The following NME8 variants were observed in gnomAD, a reference collection of about 807,000 sequenced individuals.
NME8 encodes the protein protein NME8.
NME8 carries 72 observed loss-of-function variants against 82.3 expected under a neutral mutation model. The ratio of observed to expected loss-of-function variants is 0.87; its 90% CI spans 0.72 to 1.06. NME8 has a LOEUF of 1.06. Ranked by LOEUF, NME8 falls within the 50% of genes least tolerant of loss-of-function variation. NME8 has a pLI of 0.00. For missense variants in NME8, 712 were observed against 685.4 expected (o/e 1.04, Z -0.43); for synonymous variants, 267 against 228.5 (o/e 1.17, Z -1.52).
intron 14 of NME8, among the ~76,000 whole-genome samples, chr7:37,886,862 CA>C (rs3837059): frequency 1.3e-3 from 178 of 142,242 alleles, no homozygotes; most frequent in African/African-American, 4.4e-3. Context: ...GGTGATAAGG[CA>C]AAAAAAAAAC....
chr7:37,874,322 C>A (rs964152371), intron 11 of NME8, among the ~76,000 whole-genome samples: 1 of 152,002 alleles, frequency 6.6e-6, no homozygotes. Context: ...CTCAACAAAA[C>A]CTAGAGGTTT....
chr7:37,899,525 G>C (rs1324276370), intron 17 of NME8, among the ~76,000 whole-genome samples: 1 of 151,978 alleles, frequency 6.6e-6, no homozygotes, highest in Non-Finnish European at 1.5e-5. Context: ...AGAGCCTGTC[G>C]GTGGGGGCTG....
intron 16 of NME8, among the ~76,000 whole-genome samples, 189 bp downstream of exon 16, chr7:37,894,799 CA>C (rs2131975638): frequency 6.6e-6 from 1 of 152,034 alleles, no homozygotes; most frequent in African/African-American, 2.4e-5. Context: ...TTCTCTCTCT[CA>C]TTCTGTCTCT....
chr7:37,887,462 C>T (rs1375663224), intron 14 of NME8, among the ~76,000 whole-genome samples: 1 of 152,212 alleles, frequency 6.6e-6, no homozygotes. Context: ...TCAATACACA[C>T]ACCATATATT....
At chr7:37,888,780 C>A (rs1334084415) in intron 15 of NME8, among the ~76,000 whole-genome samples, 1 of 151,918 alleles carries the variant, frequency 6.6e-6, no homozygotes, top group African/African-American at 2.4e-5. Context: ...TGAATTATAT[C>A]CTTCCATTCC....
chr7:37,851,492 G>A (rs1470718), intron 5 of NME8, among the ~76,000 whole-genome samples: 41,550 of 151,618 alleles, frequency 0.27, 5,872 homozygotes, highest in African/African-American at 0.36. Context: ...TTAACATTTA[G>A]CATATGAATT....
At chr7:37,864,636 G>T (rs1209109198) in intron 9 of NME8, among the ~76,000 whole-genome samples, 1 of 152,044 alleles carries the variant, frequency 6.6e-6, no homozygotes, top group African/African-American at 2.4e-5. Flanking sequence ...AGCATCCTAT[G>T]TAAATTTTAA....
intron 15 of NME8, among the ~76,000 whole-genome samples, chr7:37,892,840 G>A (rs1426215842): frequency 6.6e-6 from 1 of 151,774 alleles, no homozygotes; most frequent in Non-Finnish European, 1.5e-5. Context: ...TCACATTAGG[G>A]TGTCGTGTTA....
chr7:37,849,899 A>G (rs1043300169), intron 2 of NME8, among the ~76,000 whole-genome samples: 3 of 151,420 alleles, frequency 2.0e-5, no homozygotes, highest in African/African-American at 7.3e-5. Context: ...AAGAACAATG[A>G]ATAAGACCTA....
At chr7:37,891,343 A>ACTGC (rs1238484840) in intron 15 of NME8, among the ~76,000 whole-genome samples, 1 of 151,884 alleles carries the variant, frequency 6.6e-6, no homozygotes, top group African/African-American at 2.4e-5. Context: ...AAAAAAAATC[A>ACTGC]CTGCCGAGAC....
At position 37,876,229 on chromosome 7, in the gene NME8, T is replaced by TATAGATAG. The variant is rs56873287; in HGVS notation, c.819-579_819-572dup. 8.5e-3 allele frequency among the ~76,000 whole-genome samples: 1,244 copies of TATAGATAG among 146,178 alleles called. 17 individuals are homozygous for TATAGATAG. The highest frequency in any genetic ancestry group is 0.028 in the African/African-American group (1,087 of 39,432). On this transcript the variant is annotated intron_variant, in intron 11 of 17. Coordinates refer to ENST00000199447, the MANE Select transcript of NME8 (RefSeq NM_016616.5). ...CTCAAAAAAACACTATATATATATA[T>TATAGATAG]ATAGATAGATAGATAGATAGATAGA...
In NME8 at chr7:37,850,682, T is replaced by C. The variant is rs760905416; in HGVS notation, c.145T>C (p.Phe49Leu). 1 of 1,613,898 alleles carries C rather than the reference T, an allele frequency of 6.2e-7. No homozygotes were observed. Residue 49 changes from phenylalanine to leucine, a missense_variant, in exon 5 of 18, where the codon TTC becomes CTC. Transcript: ENST00000199447. ...CGPCRAMQPL[F>L]RKLKNELNED... The stretch of plus-strand genomic sequence containing the variant: ...ACCTTGCAGAGCAATGCAACCTTTA[T>C]TCAGAAAATTGAAAAATGAACTGAA...
At chr7:37,885,459 T>G (rs941246226) in intron 14 of NME8, among the ~76,000 whole-genome samples, 4 of 152,100 alleles carry the variant, frequency 2.6e-5, no homozygotes, top group African/African-American at 9.7e-5. Flanking sequence ...GAAACCACTG[T>G]GAGGTGCTAG....
intron 13 of NME8, 42 bp downstream of exon 13, chr7:37,884,489 A>C (rs749872507): frequency 1.3e-6 from 2 of 1,563,028 alleles, no homozygotes; most frequent in African/African-American, 2.7e-5. Flanking sequence ...TTTATTTTTG[A>C]ATCATGTAAA....
rs188453028 is a variant in NME8, at chr7:37,863,181, T to C, written c.388-215T>C. The stretch of plus-strand genomic sequence containing the variant: ...TGCTACCCTTTTCATACTGCACATA[T>C]GCATTATTCCTGCCCCTTCCATTTT... On this transcript the variant is annotated intron_variant, in intron 7 of 17. Coordinates refer to ENST00000199447, the MANE Select transcript of NME8 (RefSeq NM_016616.5). Among the ~76,000 whole-genome samples the C allele has an allele frequency of 3.3e-3, 509 of 152,260 alleles. 9 individuals are homozygous for C. The highest frequency in any genetic ancestry group is 0.027 in the Admixed American group (410 of 15,284).
chr7:37,895,485 G>A (rs997228936), intron 16 of NME8, among the ~76,000 whole-genome samples: 1 of 152,060 alleles, frequency 6.6e-6, no homozygotes, highest in African/African-American at 2.4e-5. Context: ...TGTTTCGCTG[G>A]GTCCTGAACC....
Position 37,894,332 on chromosome 7 carries a change from G to C in NME8, c.1400-134G>C, listed in dbSNP as rs143215023. 28 of 869,166 alleles carry C rather than the reference G, an allele frequency of 3.2e-5. 2 individuals carry two copies. In the South Asian group the frequency reaches 4.3e-4, roughly 13 times the overall value. 53.8% of individuals were successfully genotyped at this position (869,166 alleles called of 1,614,324 possible). On this transcript the variant is annotated intron_variant, in intron 15 of 17. Transcript: ENST00000199447. ...TTTGGTGCTTTGGAATTTTAATTTCGTTTGGCAGAGTTTTGCCATGTTAAA... is the reference window on the plus strand; with the variant it reads ...TTTGGTGCTTTGGAATTTTAATTTCCTTTGGCAGAGTTTTGCCATGTTAAA...
chr7:37,857,213 T>C lies in NME8; in HGVS notation c.199-61T>C, dbSNP rs145204294. 8.2e-5 allele frequency: 99 copies of C among 1,212,488 alleles called. No homozygotes were observed. In the African/African-American group the frequency reaches 1.4e-3, roughly 18 times the overall value. The allele number at this position is 1,212,488 out of a possible 1,614,324, so 75.1% of individuals were successfully genotyped here. On this transcript the variant is annotated intron_variant, in intron 5 of 17. Coordinates refer to ENST00000199447, the MANE Select transcript of NME8 (RefSeq NM_016616.5). The stretch of plus-strand genomic sequence containing the variant: ...ATATCTCTGCATTGTTTCAACATAG[T>C]GTATCAAATTACTTGAATATAGTTT...
chr7:37,884,217 A>G (rs1785006805), intron 12 of NME8, 86 bp from the exon 13 acceptor site: 2 of 939,856 alleles, frequency 2.1e-6, no homozygotes, highest in East Asian at 2.5e-5. Context: ...AGTGCATTGT[A>G]TGCCCTCATG....
Sources: gnomAD v4.1 joint callset for allele counts (sites outside exome capture counted in the v4.1 genomes callset) on GRCh38, gnomAD v4.1.1 for gene constraint, MANE v1.5 for transcripts, NCBI Gene and HGNC (gene_info 2026-07-23, HGNC 2026-07-21) for gene names.